The following SMARCC1 variants were observed in gnomAD, a reference collection of about 807,000 sequenced individuals.
SMARCC1 encodes SWI/SNF related BAF chromatin remodeling complex subunit C1.
SMARCC1 carries 43 observed loss-of-function variants against 147.4 expected under a neutral mutation model. That is an observed-to-expected ratio of 0.29 (90% CI 0.23 to 0.38). The LOEUF is 0.38. SMARCC1 is among the 10% of genes least tolerant of loss of function. The probability of loss-of-function intolerance (pLI) is 1.00; values close to 1 mark genes in which losing one functional copy is unlikely to be tolerated. For missense variants in SMARCC1, 1,119 were observed against 1,381.1 expected (o/e 0.81, Z 3.01); for synonymous variants, 495 against 484.4 (o/e 1.02, Z -0.29).
At chr3:47,618,281 C>T (rs1359339415) in intron 25 of SMARCC1, among the ~76,000 whole-genome samples, 1 of 152,034 alleles carries the variant, frequency 6.6e-6, no homozygotes, top group African/African-American at 2.4e-5. Context: ...GCAGCTCATG[C>T]CTGTAATCCA....
At chr3:47,612,424 G>A (rs1332348177) in intron 25 of SMARCC1, among the ~76,000 whole-genome samples, 1 of 152,206 alleles carries the variant, frequency 6.6e-6, no homozygotes, top group Admixed American at 6.5e-5. Context: ...TTTAGGTCAA[G>A]ATATGCTTTA....
intron 1 of SMARCC1, among the ~76,000 whole-genome samples, chr3:47,776,134 C>T (rs995011933): frequency 3.3e-5 from 5 of 151,002 alleles, no homozygotes; most frequent in African/African-American, 9.7e-5. Flanking sequence ...GGTGACAAAG[C>T]GAGACTCCGT....
intron 21 of SMARCC1, among the ~76,000 whole-genome samples, chr3:47,659,165 G>A (rs2033304236): frequency 7.0e-6 from 1 of 142,258 alleles, no homozygotes; most frequent in Admixed American, 7.2e-5. Context: ...CAGTAATCAA[G>A]AAAGTAAGAA....
intron 6 of SMARCC1, among the ~76,000 whole-genome samples, chr3:47,721,490 T>C (rs967022054): frequency 2.0e-5 from 3 of 152,140 alleles, no homozygotes; most frequent in Non-Finnish European, 4.4e-5. Flanking sequence ...GCTTAGAAAA[T>C]GGACGCCTAA....
chr3:47,744,686 C>A (rs1390755538), intron 3 of SMARCC1, among the ~76,000 whole-genome samples: 1 of 152,134 alleles, frequency 6.6e-6, no homozygotes, highest in Non-Finnish European at 1.5e-5. Flanking sequence ...CTCCACTCCC[C>A]CAACCCTACC....
chr3:47,738,773 C>G (rs962721190), intron 3 of SMARCC1, among the ~76,000 whole-genome samples: 1 of 152,158 alleles, frequency 6.6e-6, no homozygotes, highest in Non-Finnish European at 1.5e-5. Flanking sequence ...TCTAATACAG[C>G]TGTAAGACTT....
chr3:47,746,908 T>G (rs142997217), intron 2 of SMARCC1, among the ~76,000 whole-genome samples: 331 of 152,076 alleles, frequency 2.2e-3, no homozygotes, highest in African/African-American at 7.7e-3. Flanking sequence ...TTTTGCATTT[T>G]TAGTAGAGAC....
intron 19 of SMARCC1, chr3:47,663,698 T>A: frequency 6.7e-7 from 1 of 1,491,272 alleles, no homozygotes; most frequent in Non-Finnish European, 9.4e-7. Flanking sequence ...CCCCACTGTT[T>A]ACAGGAATCC....
At chr3:47,693,571 A>T (rs2033814772) in intron 11 of SMARCC1, among the ~76,000 whole-genome samples, 1 of 152,200 alleles carries the variant, frequency 6.6e-6, no homozygotes, top group Non-Finnish European at 1.5e-5. Context: ...CCCTTCCACA[A>T]AAGTTTTTTT....
intron 1 of SMARCC1, among the ~76,000 whole-genome samples, chr3:47,776,026 T>C (rs1448603054): frequency 6.6e-6 from 1 of 151,844 alleles, no homozygotes; most frequent in Non-Finnish European, 1.5e-5. Context: ...TGCATGCCTA[T>C]AATCCCAGCT....
chr3:47,734,410 T>C (rs1458424175), intron 5 of SMARCC1, among the ~76,000 whole-genome samples: 1 of 152,220 alleles, frequency 6.6e-6, no homozygotes, highest in Admixed American at 6.6e-5. Context: ...GTACGCAGTA[T>C]TAGAAACATT....
chr3:47,653,005 G>A (rs1260314476), intron 21 of SMARCC1, among the ~76,000 whole-genome samples: 4 of 146,320 alleles, frequency 2.7e-5, no homozygotes, highest in East Asian at 2.0e-4. Flanking sequence ...GCCGGACTGC[G>A]GACTGCAGTG....
chr3:47,641,213 G>A (rs539402107), intron 21 of SMARCC1, among the ~76,000 whole-genome samples: 1 of 152,320 alleles, frequency 6.6e-6, no homozygotes, highest in Admixed American at 6.5e-5. Context: ...TAGGCTGGCC[G>A]TGGTGGCTCA....
intron 26 of SMARCC1, among the ~76,000 whole-genome samples, chr3:47,594,757 C>A (rs777918119): frequency 7.2e-5 from 11 of 152,190 alleles, no homozygotes; most frequent in Non-Finnish European, 1.6e-4. Flanking sequence ...CCTGGGACAG[C>A]AGGGACCCAA....
intron 20 of SMARCC1, 38 bp from the exon 21 acceptor site, chr3:47,661,493 T>C: frequency 6.4e-7 from 1 of 1,567,052 alleles, no homozygotes; most frequent in Non-Finnish European, 8.6e-7. Flanking sequence ...AATCTAACTT[T>C]GCACAAAAAT....
At chr3:47,677,739 C>T (rs1318335429) in intron 16 of SMARCC1, among the ~76,000 whole-genome samples, 4 of 152,004 alleles carry the variant, frequency 2.6e-5, no homozygotes, top group African/African-American at 9.7e-5. Flanking sequence ...GATGGGGTTT[C>T]GCCATGTTGG....
chr3:47,754,569 C>T (rs150875593), intron 2 of SMARCC1, among the ~76,000 whole-genome samples: 144 of 152,164 alleles, frequency 9.5e-4, no homozygotes, highest in Middle Eastern at 6.8e-3. Flanking sequence ...ATATTGTATA[C>T]TAAAGAACTA....
intron 24 of SMARCC1, among the ~76,000 whole-genome samples, chr3:47,626,709 C>G (rs890369982): frequency 6.6e-6 from 1 of 152,142 alleles, no homozygotes; most frequent in Non-Finnish European, 1.5e-5. Flanking sequence ...CAGATCAAGA[C>G]AGGCTCTCTG....
rs9883868 is a variant in SMARCC1 at position 47,686,766 on chromosome 3, C to T, written c.1264-596G>A. The stretch of plus-strand genomic sequence containing the variant: ...TTGGGAGGCTGAGGCAGGAGGATCA[C>T]TTGAGACCAAAAGATCAGGACCAGC... On this transcript the variant is annotated intron_variant, in intron 13 of 27. Transcript: ENST00000254480. Among the ~76,000 whole-genome samples, 305 of 152,228 alleles carry T rather than the reference C, an allele frequency of 2.0e-3. 1 individual carries two copies. The highest frequency in any genetic ancestry group is 7.1e-3 in the African/African-American group (294 of 41,540).
Sources: gnomAD v4.1 joint callset for allele counts (sites outside exome capture counted in the v4.1 genomes callset) on GRCh38, gnomAD v4.1.1 for gene constraint, MANE v1.5 for transcripts, NCBI Gene and HGNC (gene_info 2026-07-23, HGNC 2026-07-21) for gene names.